ME3: variants seen among roughly 807,000 people sequenced by gnomAD.
ME3 encodes malic enzyme 3.
In ME3, 48 loss-of-function variants were observed where a neutral mutation model predicts 68.9. That is an observed-to-expected ratio of 0.70 (90% CI 0.55 to 0.89). The LOEUF is 0.89. Among genes scored for constraint, ME3 ranks in the 40% least tolerant of loss-of-function variants. ME3 has a pLI of 0.00. For missense variants in ME3, 675 were observed against 797.4 expected, an observed-to-expected ratio of 0.85 and a Z score of 1.85; for synonymous variants, 320 against 318.8, an observed-to-expected ratio of 1.00 and a Z score of -0.04.
chr11:86,647,400 G>A (rs916010936), intron 2 of ME3, among the ~76,000 whole-genome samples: 6 of 151,862 alleles, frequency 4.0e-5, no homozygotes, highest in Admixed American at 1.3e-4. Flanking sequence ...CAGGAGAATG[G>A]CATGAACCTA....
At chr11:86,670,544 G>T (rs1447036482) in intron 2 of ME3, among the ~76,000 whole-genome samples, 2 of 152,198 alleles carry the variant, frequency 1.3e-5, no homozygotes, top group African/African-American at 4.8e-5. Context: ...TTTGGAAAGT[G>T]GTAGCGTCCA....
intron 4 of ME3, among the ~76,000 whole-genome samples, chr11:86,528,466 G>C (rs932273464): frequency 6.6e-6 from 1 of 152,060 alleles, no homozygotes; most frequent in Non-Finnish European, 1.5e-5. Context: ...AAGTTAACAA[G>C]GATACCCAGG....
intron 8 of ME3, among the ~76,000 whole-genome samples, chr11:86,458,313 G>A (rs1950049007): frequency 6.6e-6 from 1 of 152,140 alleles, no homozygotes; most frequent in African/African-American, 2.4e-5. Flanking sequence ...CCCCTTTATT[G>A]GACACCAAGC....
At chr11:86,645,040 G>A (rs1171556898) in intron 2 of ME3, among the ~76,000 whole-genome samples, 2 of 152,216 alleles carry the variant, frequency 1.3e-5, no homozygotes, top group Admixed American at 6.5e-5. Flanking sequence ...CAGATACTAC[G>A]CTTTTCCCAC....
chr11:86,516,270 A>G (rs551080872), intron 4 of ME3, among the ~76,000 whole-genome samples: 10 of 152,280 alleles, frequency 6.6e-5, no homozygotes, highest in African/African-American at 2.4e-4. Flanking sequence ...CTACCTACCT[A>G]TGGAATCCAG....
intron 2 of ME3, among the ~76,000 whole-genome samples, chr11:86,606,997 C>T (rs374362102): frequency 6.6e-6 from 1 of 152,178 alleles, no homozygotes; most frequent in African/African-American, 2.4e-5. Flanking sequence ...GATAGAGTTA[C>T]ATTTCTTGTA....
intron 8 of ME3, among the ~76,000 whole-genome samples, chr11:86,453,169 T>C (rs1158065976): frequency 6.6e-6 from 1 of 152,090 alleles, no homozygotes; most frequent in Non-Finnish European, 1.5e-5. Flanking sequence ...CAGCTAATTT[T>C]TTGTATTTTT....
intron 4 of ME3, among the ~76,000 whole-genome samples, chr11:86,552,066 T>C (rs1956716732): frequency 6.6e-6 from 1 of 152,220 alleles, no homozygotes; most frequent in Admixed American, 6.5e-5. Context: ...GTGGGGTGAC[T>C]GAGTAGATGA....
chr11:86,592,072 A>G (rs914836064), intron 2 of ME3, among the ~76,000 whole-genome samples: 1 of 152,216 alleles, frequency 6.6e-6, no homozygotes, highest in Non-Finnish European at 1.5e-5. Flanking sequence ...TGTCTGGTCT[A>G]AGAGAAAAAA....
At chr11:86,564,476 A>AAAAAC (rs58120093) in intron 2 of ME3, among the ~76,000 whole-genome samples, 10 of 145,366 alleles carry the variant, frequency 6.9e-5, no homozygotes, top group South Asian at 4.3e-4. Context: ...AAAAAAAAAA[A>AAAAAC]CAGTGTGGGA....
intron 2 of ME3, among the ~76,000 whole-genome samples, chr11:86,593,548 T>C (rs1959168533): frequency 6.8e-6 from 1 of 146,548 alleles, no homozygotes; most frequent in South Asian, 2.2e-4. Context: ...TCCATCTCCC[T>C]AAGTTCAATA....
At chr11:86,570,310 T>C (rs920134418) in intron 2 of ME3, among the ~76,000 whole-genome samples, 1 of 152,184 alleles carries the variant, frequency 6.6e-6, no homozygotes, top group African/African-American at 2.4e-5. Flanking sequence ...GCTCTGAGAT[T>C]GTACAGTTTA....
chr11:86,485,240 C>T (rs536499667), intron 7 of ME3, among the ~76,000 whole-genome samples: 3 of 152,208 alleles, frequency 2.0e-5, no homozygotes, highest in Non-Finnish European at 4.4e-5. Flanking sequence ...TAGCACGTCC[C>T]TGACATAGAC....
chr11:86,468,886 C>A (rs1565820168), intron 7 of ME3, among the ~76,000 whole-genome samples: 1 of 152,114 alleles, frequency 6.6e-6, no homozygotes, highest in Non-Finnish European at 1.5e-5. Context: ...CTTCACATCA[C>A]CTTATGATGT....
intron 2 of ME3, among the ~76,000 whole-genome samples, chr11:86,598,794 A>C (rs1409797331): frequency 6.6e-6 from 1 of 152,198 alleles, no homozygotes; most frequent in African/African-American, 2.4e-5. Flanking sequence ...GCGGATCACG[A>C]AAATCCACAG....
chr11:86,529,427 T>C (rs370612123), intron 4 of ME3, among the ~76,000 whole-genome samples: 2 of 152,274 alleles, frequency 1.3e-5, no homozygotes, highest in South Asian at 4.2e-4. Context: ...CTACCAGAGA[T>C]ACAGGGAGGA....
intron 6 of ME3, among the ~76,000 whole-genome samples, chr11:86,495,931 A>G (rs1952299834): frequency 6.6e-6 from 1 of 152,164 alleles, no homozygotes; most frequent in South Asian, 2.1e-4. Flanking sequence ...ACTGGGAACC[A>G]AGGTCCCAAT....
intron 2 of ME3, among the ~76,000 whole-genome samples, chr11:86,584,586 T>C (rs75235393): frequency 0.056 from 8,477 of 152,262 alleles, 269 homozygotes; most frequent in Middle Eastern, 0.12. Flanking sequence ...AAAGGGCATA[T>C]ACATAAAATG....
chr11:86,575,718 C>A (rs955524056), intron 2 of ME3, among the ~76,000 whole-genome samples: 1 of 152,184 alleles, frequency 6.6e-6, no homozygotes, highest in African/African-American at 2.4e-5. Context: ...TATTGCCTTG[C>A]AACTATCTAT....
Sources: allele counts gnomAD v4.1 joint callset (sites outside exome capture counted in the v4.1 genomes callset), GRCh38; gene constraint gnomAD v4.1.1; transcripts MANE v1.5; gene names NCBI Gene and HGNC (gene_info 2026-07-23, HGNC 2026-07-21).